The following ROR1 variants were observed in gnomAD, a reference collection of about 807,000 sequenced individuals.
ROR1 encodes the protein inactive tyrosine-protein kinase transmembrane receptor ROR1.
Under a neutral mutation model 78.8 loss-of-function variants are expected in ROR1, and 19 were observed. The ratio of observed to expected loss-of-function variants is 0.24; its 90% CI spans 0.17 to 0.35. The LOEUF is 0.35. ROR1 is among the 10% of genes least tolerant of loss of function. The pLI, the probability that ROR1 is intolerant of heterozygous loss-of-function variation, is 1.00. For missense variants in ROR1, 917 were observed against 1,177.8 expected (o/e 0.78, Z 3.24); for synonymous variants, 386 against 433.6 (o/e 0.89, Z 1.36).
At chr1:63,934,221 G>A (rs1479970862) in intron 1 of ROR1, among the ~76,000 whole-genome samples, 5 of 152,132 alleles carry the variant, frequency 3.3e-5, no homozygotes, top group African/African-American at 9.7e-5. Context: ...GGCCGGTATG[G>A]AGCAAGAGGC....
At chr1:63,992,242 G>A (rs924731049) in intron 1 of ROR1, among the ~76,000 whole-genome samples, 1 of 151,686 alleles carries the variant, frequency 6.6e-6, no homozygotes, top group Admixed American at 6.6e-5. Flanking sequence ...GTCTTGCTCT[G>A]TCGCCAGGCT....
rs780383456 is a variant in ROR1, at chr1:64,177,592, G to C, written c.1551G>C (p.Trp517Cys). 5.6e-6 allele frequency: 9 copies of C among 1,614,164 alleles called. No individual in the cohort carries two copies. The highest frequency in any genetic ancestry group is 2.2e-5 in the East Asian group (1 of 44,870). The change falls in exon 9 of 9, where the codon TGG becomes TGC. Residue 517 changes from tryptophan (W) to cysteine (C), a missense_variant. Trp to Cys is a radical substitution (Grantham distance 215). Transcript: ENST00000371079. Reference sequence around the variant, plus strand: ...AAGACTATAACAACCCCCAGCAATGGACGGAATTTCAACAAGAAGCCTCCC... The same window carrying C: ...AAGACTATAACAACCCCCAGCAATGCACGGAATTTCAACAAGAAGCCTCCC... ...TLKDYNNPQQ[W>C]TEFQQEASLM...
At chr1:64,166,392 G>C (rs1650090215) in intron 8 of ROR1, among the ~76,000 whole-genome samples, 1 of 152,124 alleles carries the variant, frequency 6.6e-6, no homozygotes, top group South Asian at 2.1e-4. Flanking sequence ...GTTCTGTGAA[G>C]AATATCAATG....
At chr1:63,946,628 T>C (rs1645891879) in intron 1 of ROR1, among the ~76,000 whole-genome samples, 1 of 152,162 alleles carries the variant, frequency 6.6e-6, no homozygotes, top group Non-Finnish European at 1.5e-5. Context: ...ATAAAGGAAG[T>C]AACAGAGGCT....
chr1:64,152,684 G>A (rs1247897695), intron 7 of ROR1, among the ~76,000 whole-genome samples: 1 of 152,030 alleles, frequency 6.6e-6, no homozygotes, highest in Non-Finnish European at 1.5e-5. Flanking sequence ...TTCAGCTTCT[G>A]GTTTGGATTC....
Position 64,178,938 on chromosome 1 carries a change from G to A in ROR1, c.*83G>A, listed in dbSNP as rs1037830431. ...TTTATATTCAAATGTTTTTATTAAAGTAAGGTTCTCATTTAGCAGACATCG... is the reference window on the plus strand; with the variant it reads ...TTTATATTCAAATGTTTTTATTAAAATAAGGTTCTCATTTAGCAGACATCG... On this transcript the variant is annotated 3_prime_UTR_variant, in exon 9 of 9. Transcript: ENST00000371079. This position sits in a 1 kb window ranked among gnomAD's most constrained non-coding sequence, Gnocchi z 4.3. The A allele has an allele frequency of 2.0e-5, 20 of 985,236 alleles. No individual in the cohort carries two copies. Among genetic ancestry groups the A allele is most frequent in the Non-Finnish European group, 2.7e-5 (19 of 702,800 alleles). The allele number at this position is 985,236 out of a possible 1,614,324, so 61.0% of individuals were successfully genotyped here. A position where few individuals can be genotyped will look rare whatever the true frequency, so the allele number is the denominator to read the frequency against.
At chr1:63,954,563 C>T (rs1295479945) in intron 1 of ROR1, among the ~76,000 whole-genome samples, 1 of 152,176 alleles carries the variant, frequency 6.6e-6, no homozygotes, top group Non-Finnish European at 1.5e-5. Flanking sequence ...GAAGTATGGT[C>T]TGCCCTCAGT....
At chr1:63,958,864 C>T (rs1646004958) in intron 1 of ROR1, among the ~76,000 whole-genome samples, 1 of 152,186 alleles carries the variant, frequency 6.6e-6, no homozygotes, top group African/African-American at 2.4e-5. Flanking sequence ...CAGCATCCCA[C>T]ATAACACTTC....
chr1:64,120,611 G>A (rs1164494784), intron 4 of ROR1, among the ~76,000 whole-genome samples: 2 of 152,000 alleles, frequency 1.3e-5, no homozygotes, highest in South Asian at 2.1e-4. Flanking sequence ...AAGCAGGCAC[G>A]TGTGGCTAGT....
At chr1:64,134,707 C>T (rs1013031304) in intron 4 of ROR1, among the ~76,000 whole-genome samples, 2 of 151,278 alleles carry the variant, frequency 1.3e-5, no homozygotes, top group African/African-American at 4.9e-5. Context: ...GGGGCCTGGG[C>T]ATTCGTATTT....
intron 8 of ROR1, among the ~76,000 whole-genome samples, chr1:64,162,577 G>C (rs1201014485): frequency 6.6e-6 from 1 of 152,144 alleles, no homozygotes; most frequent in Non-Finnish European, 1.5e-5. Context: ...GTGACTCTGA[G>C]AAGCCATCTA....
At chr1:64,141,253 G>GAAGTTCAATTGGCTCACGTGTGGT (rs1211296867) in intron 6 of ROR1, among the ~76,000 whole-genome samples, 6 of 152,186 alleles carry the variant, frequency 3.9e-5, no homozygotes, top group African/African-American at 1.4e-4. Context: ...ATAAAAAAAG[G>GAAGTTCAATTGGCTCACGTGTGGT]AAGTTCAATT....
At chr1:64,116,674 C>G (rs17357054) in intron 4 of ROR1, among the ~76,000 whole-genome samples, 3 of 151,816 alleles carry the variant, frequency 2.0e-5, no homozygotes, top group African/African-American at 7.3e-5. Flanking sequence ...AGGAAAAGGG[C>G]GTTTTAAATG....
intron 1 of ROR1, among the ~76,000 whole-genome samples, chr1:63,816,580 T>C (rs1311523132): frequency 1.3e-5 from 2 of 152,220 alleles, no homozygotes; most frequent in Admixed American, 6.5e-5. Flanking sequence ...TGTGTCTTTA[T>C]CAGCAGCATG....
At chr1:64,121,569 A>G (rs933249241) in intron 4 of ROR1, among the ~76,000 whole-genome samples, 3 of 150,538 alleles carry the variant, frequency 2.0e-5, no homozygotes, top group Non-Finnish European at 4.4e-5. Flanking sequence ...GGCAGTGGGA[A>G]TATGCACCCT....
At chr1:64,061,897 C>G (rs751659738) in intron 4 of ROR1, among the ~76,000 whole-genome samples, 41 of 152,220 alleles carry the variant, frequency 2.7e-4, no homozygotes, top group Non-Finnish European at 4.9e-4. Context: ...GCAACTTGCT[C>G]CTAGATTCTC....
intron 1 of ROR1, among the ~76,000 whole-genome samples, chr1:63,930,168 A>C (rs1356682539): frequency 1.3e-5 from 2 of 151,956 alleles, no homozygotes; most frequent in African/African-American, 4.8e-5. Context: ...CCCTGAGTCC[A>C]TGTGTTTTCA....
chr1:64,140,561 C>G, intron 6 of ROR1, 135 bp downstream of exon 6: 1 of 747,610 alleles, frequency 1.3e-6, no homozygotes, highest in Admixed American at 2.9e-5. Flanking sequence ...AGTACTGTGC[C>G]TGAGCATTCA....
chr1:63,833,683 A>G (rs1421875785), intron 1 of ROR1, among the ~76,000 whole-genome samples: 1 of 151,488 alleles, frequency 6.6e-6, no homozygotes, highest in Non-Finnish European at 1.5e-5. Context: ...TTTTTCCTTC[A>G]AGGTAGTGTG....
Sources: allele counts gnomAD v4.1 joint callset (sites outside exome capture counted in the v4.1 genomes callset), GRCh38; gene constraint gnomAD v4.1.1; non-coding constraint Gnocchi (gnomAD v3.1); transcripts MANE v1.5; gene names NCBI Gene and HGNC (gene_info 2026-07-23, HGNC 2026-07-21).